The following MCM3AP variants were observed in gnomAD, a reference collection of about 807,000 sequenced individuals.
MCM3AP encodes the protein germinal-center associated nuclear protein.
Under a neutral mutation model 184.1 loss-of-function variants are expected in MCM3AP, and 126 were observed. The observed-to-expected ratio is 0.68, with a 90% CI of 0.59 to 0.79. The LOEUF is 0.79. Among genes scored for constraint, MCM3AP ranks in the 30% least tolerant of loss-of-function variants. The probability of loss-of-function intolerance (pLI) is 0.00; values close to 1 mark genes in which losing one functional copy is unlikely to be tolerated. For missense variants in MCM3AP, 2,496 were observed against 2,479.2 expected (o/e 1.01, Z -0.14); for synonymous variants, 1,002 against 979.3 (o/e 1.02, Z -0.43).
intron 11 of MCM3AP, 111 bp from the exon 12 acceptor site, chr21:46,265,634 G>T: frequency 1.1e-6 from 1 of 905,864 alleles, no homozygotes. Context: ...TGACCCTGAG[G>T]ACTGGCCTGC....
At chr21:46,237,104 T>A (rs1330718440) in intron 26 of MCM3AP, 125 bp from the exon 27 acceptor site, 3 of 337,980 alleles carry the variant, frequency 8.9e-6, no homozygotes, top group Admixed American at 5.0e-5. Flanking sequence ...TATATAATTT[T>A]TTTTTTTTTT....
rs774329515 is a variant in MCM3AP, at chr21:46,277,484, G to A, written c.1858+43C>T. 1.3e-5 allele frequency: 19 copies of A among 1,455,692 alleles called. No individual in the cohort carries two copies. In the East Asian group the frequency reaches 1.5e-4, roughly 11 times the overall value. 90.2% of individuals were successfully genotyped at this position (1,455,692 alleles called of 1,614,324 possible). Reference sequence around the variant, plus strand: ...CTGCCCTGATGGCACCCAAGATGACGACCTCACCAGGCCCCTAGAACCTCT... The same window carrying A: ...CTGCCCTGATGGCACCCAAGATGACAACCTCACCAGGCCCCTAGAACCTCT... On this transcript the variant is annotated intron_variant, in intron 5 of 27. Coordinates refer to ENST00000291688, the MANE Select transcript of MCM3AP (RefSeq NM_003906.5).
Position 46,283,794 on chromosome 21 carries a change from T to C in MCM3AP, c.1264A>G (p.Ser422Gly), listed in dbSNP as rs754209676. ...GACAAGCCCCCAAGACTGTCTGTGCTCTCGCTTCTGTTACTCTGACGCGCC... is the reference window on the plus strand; with the variant it reads ...GACAAGCCCCCAAGACTGTCTGTGCCCTCGCTTCTGTTACTCTGACGCGCC... ...TPARQSNRSE[S>G]TDSLGGLSPS... The change falls in exon 2 of 28, where the codon AGC (serine) becomes GGC (glycine). Residue 422 changes from serine to glycine, a missense_variant. Ser to Gly is a moderately conservative substitution (Grantham distance 56). Transcript: ENST00000291688. 3.1e-5 allele frequency: 50 copies of C among 1,613,964 alleles called. No individual in the cohort carries two copies. Among genetic ancestry groups the C allele is most frequent in the Non-Finnish European group, 4.1e-5 (48 of 1,180,036 alleles).
chr21:46,269,212 C>A (rs1261911275), intron 9 of MCM3AP, among the ~76,000 whole-genome samples: 1 of 151,990 alleles, frequency 6.6e-6, no homozygotes, highest in Non-Finnish European at 1.5e-5. Flanking sequence ...TTCCTGGGCT[C>A]AAGCGATCCT....
Position 46,270,547 on chromosome 21 carries a change from GGAACT to G in MCM3AP, c.2477_2481del (p.Gln826ProfsTer5), listed in dbSNP as rs766928180. 6.8e-6 allele frequency: 11 copies of G among 1,609,942 alleles called. No homozygotes were observed. Among genetic ancestry groups the G allele is most frequent in the Non-Finnish European group, 9.3e-6 (11 of 1,178,486 alleles). On this transcript the variant is annotated frameshift_variant, in exon 9 of 28. Coordinates refer to ENST00000291688, the MANE Select transcript of MCM3AP (RefSeq NM_003906.5). LOFTEE classifies it high-confidence loss of function. ...TCAGATGAGTTTCTAACAGCAGGAT[GGAACT>G]GTTGTACTTCTCTGTTAATTAAAGG...
At chr21:46,263,105 G>C (rs574116319) in intron 13 of MCM3AP, among the ~76,000 whole-genome samples, 1 of 151,738 alleles carries the variant, frequency 6.6e-6, no homozygotes, top group Non-Finnish European at 1.5e-5. Flanking sequence ...CAAGGCGGGC[G>C]GATCACGAGG....
chr21:46,269,568 A>C (rs914458863), intron 9 of MCM3AP, among the ~76,000 whole-genome samples: 2 of 152,200 alleles, frequency 1.3e-5, no homozygotes, highest in African/African-American at 2.4e-5. Flanking sequence ...CACTGTTTAC[A>C]GGAGGCCCTG....
At chr21:46,263,581 C>T (rs981174013) in intron 13 of MCM3AP, among the ~76,000 whole-genome samples, 5 of 151,546 alleles carry the variant, frequency 3.3e-5, no homozygotes, top group African/African-American at 4.9e-5. Context: ...GCCAGGAGTT[C>T]GAGACCATCC....
Position 46,284,276 on chromosome 21 carries a change from T to TA in MCM3AP, c.1010dup (p.Leu337PhefsTer14), listed in dbSNP as rs891776856. On this transcript the variant is annotated frameshift_variant, in exon 1 of 28. Transcript: ENST00000291688. LOFTEE classifies it high-confidence loss of function. ...AAACATCCTGTATCGTCCGACCAAA[T>TA]AAAGTACCTCCCCGGGGTCGATTCA... 1 of 1,614,168 alleles carries TA rather than the reference T, an allele frequency of 6.2e-7. No homozygotes were observed. The highest frequency in any genetic ancestry group is 2.2e-5 in the East Asian group (1 of 44,882).
At chr21:46,259,822 G>A (rs1345053039) in intron 15 of MCM3AP, among the ~76,000 whole-genome samples, 5 of 151,262 alleles carry the variant, frequency 3.3e-5, no homozygotes, top group East Asian at 1.9e-4. Context: ...TGAGAATGGC[G>A]TGAACCCGGG....
chr21:46,249,863 G>A (rs1289419690), intron 20 of MCM3AP: 1 of 219,470 alleles, frequency 4.6e-6, no homozygotes, highest in Admixed American at 5.7e-5. Context: ...AGTAAAATAG[G>A]GATAATAAGT....
Position 46,285,279 on chromosome 21 carries a change from G to A in MCM3AP, c.8C>T (p.Pro3Leu), listed in dbSNP as rs2081398120. Residue 3 changes from proline to leucine, a missense_variant, in exon 1 of 28, where the codon CCA becomes CTA. This residue lies in a region of MCM3AP where 800 missense variants were observed against 717.1 expected (regional missense o/e 1.12). Coordinates refer to ENST00000291688, the MANE Select transcript of MCM3AP (RefSeq NM_003906.5). The part of the protein sequence containing the change: MN[P>L]TNPFSGQQPS... ...CTGCTGCCCACTGAAAGGATTAGTT[G>A]GGTTCATCTTCTGCTCCAATTATTA... 6.2e-7 allele frequency: 1 copy of A among 1,609,684 alleles called. No individual in the cohort carries two copies. Among genetic ancestry groups the A allele is most frequent in the African/African-American group, 1.3e-5 (1 of 74,848 alleles).
At chr21:46,261,916 G>A (rs1000835994) in intron 13 of MCM3AP, among the ~76,000 whole-genome samples, 1 of 152,104 alleles carries the variant, frequency 6.6e-6, no homozygotes, top group Admixed American at 6.6e-5. Flanking sequence ...GAGCATTTTA[G>A]AATTCAGATT....
At position 46,280,595 on chromosome 21, in the gene MCM3AP, C is replaced by T. The variant is rs924346657; in HGVS notation, c.1444-20G>A. On this transcript the variant is annotated intron_variant, in intron 2 of 27. Coordinates refer to ENST00000291688, the MANE Select transcript of MCM3AP (RefSeq NM_003906.5). ...AGATGCCTGGAAAACAGTCCACAAC[C>T]GCCATGTGTGAGTATATCAGGAAAC... 7.2e-5 allele frequency: 112 copies of T among 1,559,274 alleles called. No individual in the cohort carries two copies. Among genetic ancestry groups the T allele is most frequent in the Non-Finnish European group, 9.4e-5 (106 of 1,132,656 alleles).
chr21:46,277,161 T>C (rs1388416437), intron 5 of MCM3AP, among the ~76,000 whole-genome samples: 2 of 152,184 alleles, frequency 1.3e-5, no homozygotes, highest in Non-Finnish European at 2.9e-5. Context: ...TACTTTTTAG[T>C]AGGTAATACA....
chr21:46,254,923 C>G (rs1162239206), intron 17 of MCM3AP, 79 bp from the exon 18 acceptor site: 4 of 1,020,850 alleles, frequency 3.9e-6, no homozygotes, highest in South Asian at 1.3e-5. Context: ...GGGGAATACT[C>G]AGGAGACTGA....
At chr21:46,267,229 C>A in intron 9 of MCM3AP, 87 bp from the exon 10 acceptor site, 1 of 1,327,950 alleles carries the variant, frequency 7.5e-7, no homozygotes, top group Non-Finnish European at 1.0e-6. Flanking sequence ...CCATGGCCAG[C>A]GTGGGGCACA....
At chr21:46,260,352 A>C (rs899014743) in intron 15 of MCM3AP, among the ~76,000 whole-genome samples, 3 of 152,224 alleles carry the variant, frequency 2.0e-5, no homozygotes, top group Non-Finnish European at 4.4e-5. Context: ...CCACAGGTGC[A>C]GTCATAGCAC....
chr21:46,240,039 G>A (rs555849754), intron 26 of MCM3AP, among the ~76,000 whole-genome samples: 5 of 152,284 alleles, frequency 3.3e-5, no homozygotes, highest in African/African-American at 1.2e-4. Context: ...GGCTAAAGAG[G>A]GAAGTGGGAC....
Sources: gnomAD v4.1 joint callset for allele counts (sites outside exome capture counted in the v4.1 genomes callset) on GRCh38, gnomAD v4.1.1 for gene constraint, gnomAD v4.1.1 regional missense constraint, MANE v1.5 for transcripts, NCBI Gene and HGNC (gene_info 2026-07-23, HGNC 2026-07-21) for gene names.